ABTB3: variants seen among roughly 807,000 people sequenced by gnomAD.
ABTB3 encodes ankyrin repeat and BTB domain containing 3.
the ABTB3 span, among the ~76,000 whole-genome samples, chr12:107,449,317 G>A: frequency 6.6e-6 from 1 of 152,190 alleles, no homozygotes; most frequent in East Asian, 1.9e-4. Context: ...CTCAGATGAA[G>A]CAGACCTCCC....
the ABTB3 span, among the ~76,000 whole-genome samples, chr12:107,538,961 C>G: frequency 2.0e-5 from 3 of 152,138 alleles, no homozygotes; most frequent in African/African-American, 7.2e-5. Context: ...TTTTTGGAGG[C>G]ACTGTGTCAT....
the ABTB3 span, among the ~76,000 whole-genome samples, chr12:107,359,466 T>C: frequency 6.6e-6 from 1 of 152,162 alleles, no homozygotes; most frequent in South Asian, 2.1e-4. Context: ...ATTCAGGGGA[T>C]CCTGGTGGTG....
At chr12:107,375,753 C>T in the ABTB3 span, among the ~76,000 whole-genome samples, 1 of 152,200 alleles carries the variant, frequency 6.6e-6, no homozygotes. Context: ...CCTTCCACCT[C>T]CACTGCCCTC....
chr12:107,581,900 C>G, the ABTB3 span, among the ~76,000 whole-genome samples: 1 of 152,152 alleles, frequency 6.6e-6, no homozygotes. Context: ...ACACAGAAAC[C>G]CAGTGGGGCG....
the ABTB3 span, among the ~76,000 whole-genome samples, chr12:107,458,185 T>C: frequency 9.0e-3 from 1,378 of 152,268 alleles, 26 homozygotes; most frequent in African/African-American, 0.031. Context: ...AGGGAAATAG[T>C]GTGTACTGAG....
At chr12:107,423,723 T>C in the ABTB3 span, among the ~76,000 whole-genome samples, 14,979 of 152,212 alleles carry the variant, frequency 0.098, 2,317 homozygotes, top group African/African-American at 0.33. Context: ...GACAAAAGTT[T>C]GGTGACAAGC....
chr12:107,473,171 T>A, the ABTB3 span, among the ~76,000 whole-genome samples: 2 of 152,170 alleles, frequency 1.3e-5, no homozygotes, highest in Admixed American at 1.3e-4. Flanking sequence ...GAGTGTAATA[T>A]ACATACAGAA....
the ABTB3 span, among the ~76,000 whole-genome samples, chr12:107,558,392 T>C: frequency 2.0e-5 from 3 of 152,234 alleles, no homozygotes; most frequent in Non-Finnish European, 2.9e-5. Flanking sequence ...CAGGATGCCC[T>C]GTCTGCGCTG....
chr12:107,375,342 C>A, the ABTB3 span, among the ~76,000 whole-genome samples: 1 of 152,042 alleles, frequency 6.6e-6, no homozygotes, highest in Admixed American at 6.5e-5. Flanking sequence ...CACCTTAGCC[C>A]GGGAGATTAA....
chr12:107,555,620 G>T, the ABTB3 span, among the ~76,000 whole-genome samples: 1 of 152,184 alleles, frequency 6.6e-6, no homozygotes, highest in Non-Finnish European at 1.5e-5. Flanking sequence ...AACCAGAGCT[G>T]CACTGTCCAG....
At chr12:107,609,371 T>A in the ABTB3 span, among the ~76,000 whole-genome samples, 1 of 152,244 alleles carries the variant, frequency 6.6e-6, no homozygotes, top group Non-Finnish European at 1.5e-5. Flanking sequence ...AAGCAGAATT[T>A]GTAGCACCTT....
At chr12:107,321,502 T>C in the ABTB3 span, among the ~76,000 whole-genome samples, 1 of 151,626 alleles carries the variant, frequency 6.6e-6, no homozygotes, top group Non-Finnish European at 1.5e-5. Context: ...GGGAGGGGAA[T>C]CCGCACTGAT....
the ABTB3 span, among the ~76,000 whole-genome samples, chr12:107,404,162 C>CAAAAAAAAAAA: frequency 7.5e-5 from 3 of 40,256 alleles, no homozygotes; most frequent in East Asian, 6.5e-4. Flanking sequence ...GACTCTAACT[C>CAAAAAAAAAAA]AAAAAAAAAA....
the ABTB3 span, among the ~76,000 whole-genome samples, chr12:107,391,429 C>T: frequency 2.0e-5 from 3 of 152,088 alleles, no homozygotes; most frequent in African/African-American, 7.2e-5. Context: ...AGTGGGTAAA[C>T]CAGCTTGGCC....
chr12:107,583,900 T>G, the ABTB3 span, among the ~76,000 whole-genome samples: 1 of 152,246 alleles, frequency 6.6e-6, no homozygotes, highest in African/African-American at 2.4e-5. Flanking sequence ...TCCTGAATGA[T>G]GATTTGTGTA....
At chr12:107,547,926 C>T in the ABTB3 span, among the ~76,000 whole-genome samples, 1 of 152,198 alleles carries the variant, frequency 6.6e-6, no homozygotes, top group African/African-American at 2.4e-5. Flanking sequence ...ACTTTTTGGG[C>T]TCTAAAATGC....
the ABTB3 span, among the ~76,000 whole-genome samples, chr12:107,483,109 C>A: frequency 6.6e-6 from 1 of 151,764 alleles, no homozygotes; most frequent in Non-Finnish European, 1.5e-5. Context: ...CTCACTGCAG[C>A]CTTAACCTCC....
chr12:107,617,585 C>T, the ABTB3 span: 4 of 1,014,706 alleles, frequency 3.9e-6, no homozygotes, highest in Non-Finnish European at 5.6e-6. Context: ...GCCAGAGCGA[C>T]CCTACCTGCC....
chr12:107,401,914 GT>G, the ABTB3 span, among the ~76,000 whole-genome samples: 373 of 130,860 alleles, frequency 2.9e-3, 1 homozygote, highest in Middle Eastern at 4.0e-3. Context: ...ACCGCTTAGG[GT>G]TTTTTTTTTT....
Sources: allele counts gnomAD v4.1 joint callset (sites outside exome capture counted in the v4.1 genomes callset), GRCh38; gene constraint gnomAD v4.1.1; transcripts MANE v1.5; gene names NCBI Gene and HGNC (gene_info 2026-07-23, HGNC 2026-07-21).